The following MORC1 variants were observed in gnomAD, a reference collection of about 807,000 sequenced individuals.
MORC1 encodes the protein MORC family CW-type zinc finger 1.
In MORC1, 59 loss-of-function variants were observed where a neutral mutation model predicts 134.9. That is an observed-to-expected ratio of 0.44 (90% confidence interval 0.35 to 0.54). The LOEUF is 0.54. Among genes scored for constraint, MORC1 ranks in the 20% least tolerant of loss-of-function variants. MORC1 has a pLI of 0.00. For synonymous variants in MORC1, 395 were observed against 391.7 expected (o/e 1.01, Z -0.10); for missense variants, 947 against 1,134.5 (o/e 0.83, Z 2.37).
intron 24 of MORC1, among the ~76,000 whole-genome samples, chr3:108,974,330 G>T (rs760458400): frequency 6.6e-6 from 1 of 152,140 alleles, no homozygotes; most frequent in Non-Finnish European, 1.5e-5. Context: ...AATCACATAC[G>T]TAGGGTCTGA....
In MORC1 at chr3:108,958,902, A is replaced by C. The variant is rs559359796; in HGVS notation, c.*63T>G. On this transcript the variant is annotated 3_prime_UTR_variant, in exon 28 of 28. Transcript: ENST00000232603. The stretch of plus-strand genomic sequence containing the variant: ...ACAGTAACAACAACAAAAAAGAAAA[A>C]TTTTTAAAAGAATCTTCCAATTTTC... 124 of 1,245,858 alleles carry C rather than the reference A, an allele frequency of 1.0e-4. 1 individual carries two copies. Among genetic ancestry groups the C allele is most frequent in the Admixed American group, 1.8e-4 (6 of 33,956 alleles). 77.2% of individuals were successfully genotyped at this position (1,245,858 alleles called of 1,614,324 possible). A position where few individuals can be genotyped will look rare whatever the true frequency, so the allele number is the denominator to read the frequency against.
At chr3:109,027,984 T>C (rs1949126234) in intron 16 of MORC1, 95 bp from the exon 17 acceptor site, 1 of 1,328,016 alleles carries the variant, frequency 7.5e-7, no homozygotes, top group East Asian at 2.5e-5. Flanking sequence ...GAGTTACTCT[T>C]TATGTCATAT....
At chr3:109,092,461 C>T (rs577699847) in intron 8 of MORC1, among the ~76,000 whole-genome samples, 148 of 152,188 alleles carry the variant, frequency 9.7e-4, no homozygotes, top group African/African-American at 3.4e-3. Flanking sequence ...ACACCTTAGT[C>T]TAAAAACATA....
chr3:108,989,171 G>A (rs1014025650), intron 21 of MORC1, among the ~76,000 whole-genome samples: 32 of 152,148 alleles, frequency 2.1e-4, no homozygotes, highest in African/African-American at 7.7e-4. Context: ...TTTCGATTAT[G>A]TTATTTGTAT....
intron 8 of MORC1, among the ~76,000 whole-genome samples, chr3:109,080,515 TC>T (rs1362635501): frequency 9.9e-5 from 15 of 152,080 alleles, no homozygotes; most frequent in Non-Finnish European, 2.1e-4. Flanking sequence ...ACCCAGACAG[TC>T]CTTCAAACTC....
intron 20 of MORC1, among the ~76,000 whole-genome samples, chr3:109,002,329 T>A (rs577031887): frequency 3.3e-5 from 5 of 152,056 alleles, no homozygotes; most frequent in Admixed American, 6.6e-5. Context: ...AAGATCAGCC[T>A]CAGAAGTGTG....
Position 109,057,437 on chromosome 3 carries a change from C to G in MORC1, c.1081G>C (p.Glu361Gln). The G allele has an allele frequency of 6.2e-7, 1 of 1,611,706 alleles. No individual in the cohort carries two copies. Residue 361 changes from glutamate (E) to glutamine (Q), a missense_variant, in exon 13 of 28, where the codon GAA becomes CAA. Coordinates refer to ENST00000232603, the MANE Select transcript of MORC1 (RefSeq NM_014429.4). ...TLSLFYGVNVENRSQAGMFIY... is the reference protein window; with the variant it reads ...TLSLFYGVNVQNRSQAGMFIY... Reference sequence around the variant, plus strand: ...AACATTCCAGCTTGGCTTCGGTTTTCTACGTTCACTCCATAGAACAGGGAG... The same window carrying G: ...AACATTCCAGCTTGGCTTCGGTTTTGTACGTTCACTCCATAGAACAGGGAG...
chr3:109,082,587 A>G lies in MORC1; in HGVS notation c.689+10849T>C, dbSNP rs2107736551. On this transcript the variant is annotated intron_variant, in intron 8 of 27. Coordinates refer to ENST00000232603, the MANE Select transcript of MORC1 (RefSeq NM_014429.4). ...AAAGAAATTTAATAAAGTGATTGAA[A>G]TAACTTAAAAATCAAACAAATCTTG... Among the ~76,000 whole-genome samples the G allele has an allele frequency of 1.3e-5, 2 of 152,328 alleles. 1 individual carries two copies. The highest frequency in any genetic ancestry group is 4.1e-4 in the South Asian group (2 of 4,830).
intron 14 of MORC1, among the ~76,000 whole-genome samples, chr3:109,038,080 T>C (rs1949421631): frequency 1.3e-5 from 2 of 152,216 alleles, no homozygotes; most frequent in Admixed American, 1.3e-4. Flanking sequence ...GCATTCCTAT[T>C]TCTCCACATC....
chr3:109,027,963 A>G, intron 16 of MORC1, 74 bp from the exon 17 acceptor site: 1 of 1,480,886 alleles, frequency 6.8e-7, no homozygotes, highest in Middle Eastern at 1.8e-4. Flanking sequence ...AAGACGATTT[A>G]CTTCTACAAG....
chr3:109,046,052 ACT>A (rs1297084783), intron 14 of MORC1, among the ~76,000 whole-genome samples: 2 of 152,194 alleles, frequency 1.3e-5, no homozygotes, highest in Admixed American at 6.5e-5. Flanking sequence ...ATTTAATAAC[ACT>A]GAGTAATTTT....
At position 109,094,974 on chromosome 3, in the gene MORC1, T is replaced by C; in HGVS notation, c.518A>G (p.Lys173Arg). 6.3e-7 allele frequency: 1 copy of C among 1,594,374 alleles called. No homozygotes were observed. The change falls in exon 7 of 28, where the codon AAA becomes AGA. Residue 173 changes from lysine (K) to arginine (R), a missense_variant. By Grantham distance (26) the Lys-to-Arg change is conservative (BLOSUM62 2). Coordinates refer to ENST00000232603, the MANE Select transcript of MORC1 (RefSeq NM_014429.4). ...TGCTTCAGTTTTAAATGGGGAGTAT[T>C]TATAAATTATAGATAATTCCATTGC... ...KFAMELSIIYKYSPFKTEAEL... is the reference protein window; with the variant it reads ...KFAMELSIIYRYSPFKTEAEL...
chr3:109,062,565 C>T (rs990404955), intron 10 of MORC1, among the ~76,000 whole-genome samples: 5 of 151,732 alleles, frequency 3.3e-5, no homozygotes, highest in African/African-American at 4.8e-5. Flanking sequence ...GGACTACAGG[C>T]GCCCACCACC....
In MORC1 at chr3:109,062,167, T is replaced by G. The variant is rs954455382; in HGVS notation, c.896-109A>C. 1.6e-5 allele frequency: 15 copies of G among 930,486 alleles called. No individual in the cohort carries two copies. The South Asian group carries it at 1.9e-4, about 12-fold the overall frequency. The allele number at this position is 930,486 out of a possible 1,614,324, so 57.6% of individuals were successfully genotyped here. ...ACCAGTGAAAAAGGCATACAGACCA[T>G]GATCTGAGAAAACCCTATGTTCCTC... On this transcript the variant is annotated intron_variant, in intron 10 of 27. Transcript: ENST00000232603.
rs1283774693 is a variant in MORC1 at position 109,118,116 on chromosome 3, T to C, written c.-57A>G. ...GACAAGGACACCTGACCGGCAGCCG[T>C]TCGCCTGCGCCCGCGCCCACTCCCA... is the stretch of plus-strand genomic sequence containing the variant. On this transcript the variant is annotated 5_prime_UTR_variant, in exon 1 of 28. Transcript: ENST00000232603. 3.8e-6 allele frequency: 6 copies of C among 1,562,114 alleles called. No individual in the cohort carries two copies. The highest frequency in any genetic ancestry group is 5.2e-6 in the Non-Finnish European group (6 of 1,149,842).
chr3:108,999,686 A>G (rs1948343369), intron 21 of MORC1, among the ~76,000 whole-genome samples: 1 of 152,164 alleles, frequency 6.6e-6, no homozygotes, highest in African/African-American at 2.4e-5. Context: ...CTCACTTATC[A>G]TGTCAATAAT....
chr3:108,989,259 T>G (rs1407338032), intron 21 of MORC1, among the ~76,000 whole-genome samples: 2 of 152,244 alleles, frequency 1.3e-5, no homozygotes, highest in African/African-American at 4.8e-5. Flanking sequence ...CACTTAGGCT[T>G]AACTGTGTCT....
chr3:109,032,728 C>A lies in MORC1; in HGVS notation c.1557G>T (p.Leu519Phe). The A allele has an allele frequency of 1.3e-6, 2 of 1,572,286 alleles. No individual in the cohort carries two copies. The highest frequency in any genetic ancestry group is 2.3e-5 in the East Asian group (1 of 44,376). Reference sequence around the variant, plus strand: ...AAAATAATCAAAAATACCTGTTTTCCAAGCGGTTGGGATTATTAGCACAAA... The same window carrying A: ...AAAATAATCAAAAATACCTGTTTTCAAAGCGGTTGGGATTATTAGCACAAA... ...IWICANNPNR[L>F]ENSCHQVECL... is the part of the protein sequence containing the mutation. Residue 519 changes from leucine (L) to phenylalanine (F), a missense_variant, in exon 16 of 28, where the codon TTG (leucine) becomes TTT (phenylalanine). This residue lies in a region of MORC1 where 722 missense variants were observed against 817.0 expected (regional missense o/e 0.88). Coordinates refer to ENST00000232603, the MANE Select transcript of MORC1 (RefSeq NM_014429.4).
intron 22 of MORC1, among the ~76,000 whole-genome samples, chr3:108,985,222 G>A (rs1947864942): frequency 6.6e-6 from 1 of 152,160 alleles, no homozygotes. Context: ...TTTAAAGCAG[G>A]AAGAGACCTA....
Sources: allele counts gnomAD v4.1 joint callset (sites outside exome capture counted in the v4.1 genomes callset), GRCh38; gene constraint gnomAD v4.1.1; regional missense constraint gnomAD v4.1.1; transcripts MANE v1.5; gene names NCBI Gene and HGNC (gene_info 2026-07-23, HGNC 2026-07-21).